Variants in FBN1 observed in about 807,000 individuals in gnomAD.
The protein encoded by FBN1 is fibrillin-1.
In FBN1, 29 loss-of-function variants were observed where a neutral mutation model predicts 365.1. The ratio of observed to expected loss-of-function variants is 0.08; its 90% CI spans 0.06 to 0.11. The LOEUF (loss-of-function observed/expected upper bound fraction) is 0.11, where lower values mean the gene tolerates loss of function less well. Among genes scored for constraint, FBN1 ranks in the 10% least tolerant of loss-of-function variants. The pLI is 1.00. For missense variants in FBN1, 2,476 were observed against 3,703.2 expected (o/e 0.67, Z 8.60); for synonymous variants, 1,210 against 1,270.5 (o/e 0.95, Z 1.01).
At chr15:48,595,737 T>C (rs2044510534) in intron 6 of FBN1, among the ~76,000 whole-genome samples, 1 of 152,156 alleles carries the variant, frequency 6.6e-6, no homozygotes, top group African/African-American at 2.4e-5. Flanking sequence ...TTCTACACAC[T>C]CTAGCAGGCT....
chr15:48,440,323 C>T (rs1045864594), intron 50 of FBN1, among the ~76,000 whole-genome samples: 2 of 152,190 alleles, frequency 1.3e-5, no homozygotes, highest in African/African-American at 2.4e-5. Context: ...ATTCTTCCTG[C>T]AGCGTTAGCT....
At chr15:48,487,567 GC>G in intron 27 of FBN1, 130 bp from the exon 28 acceptor site, 1 of 1,293,850 alleles carries the variant, frequency 7.7e-7, no homozygotes, top group African/African-American at 1.5e-5. Flanking sequence ...ACTCTCTGGT[GC>G]TATTCATACA....
At chr15:48,491,354 CTT>C (rs906446030) in intron 24 of FBN1, among the ~76,000 whole-genome samples, 19 of 142,718 alleles carry the variant, frequency 1.3e-4, no homozygotes, top group East Asian at 2.0e-4. Context: ...TTTTTCTTTT[CTT>C]TTTTTTTTTT....
intron 10 of FBN1, among the ~76,000 whole-genome samples, chr15:48,517,060 T>C (rs1184309275): frequency 1.3e-5 from 2 of 152,192 alleles, no homozygotes; most frequent in Non-Finnish European, 2.9e-5. Flanking sequence ...AGTTTTCTGG[T>C]TGAGCAATTG....
intron 6 of FBN1, among the ~76,000 whole-genome samples, chr15:48,588,812 T>C (rs1293600576): frequency 1.3e-5 from 2 of 152,032 alleles, no homozygotes; most frequent in South Asian, 2.1e-4. Context: ...GGGAAACTGG[T>C]GAAGGGCCAC....
rs186335853 is a variant in FBN1, at chr15:48,644,205, C to T, written c.164+401G>A. 15 of 191,392 alleles carry T rather than the reference C, an allele frequency of 7.8e-5. No homozygotes were observed. The Admixed American group carries it at 8.2e-4, about 10-fold the overall frequency. 11.9% of individuals were successfully genotyped at this position (191,392 alleles called of 1,614,324 possible). A position where few individuals can be genotyped will look rare whatever the true frequency, so the allele number is the denominator to read the frequency against. On this transcript the variant is annotated intron_variant, in intron 2 of 65. Coordinates refer to ENST00000316623, the MANE Select transcript of FBN1 (RefSeq NM_000138.5). ...GGGAATCCCTTCCTTTCCTTGCCCC[C>T]TTTCAAATACAGCATCTACCAAGAT... is the stretch of plus-strand genomic sequence containing the variant.
At chr15:48,639,422 TTTAGAC>T (rs1351723264) in intron 2 of FBN1, among the ~76,000 whole-genome samples, 1 of 152,202 alleles carries the variant, frequency 6.6e-6, no homozygotes, top group Non-Finnish European at 1.5e-5. Flanking sequence ...TATGTATTTG[TTTAGAC>T]TTAATACCAG....
At position 48,468,580 on chromosome 15, in the gene FBN1, A is replaced by G. The variant is rs536498829; in HGVS notation, c.4460-46T>C. On this transcript the variant is annotated intron_variant, in intron 36 of 65. Coordinates refer to ENST00000316623, the MANE Select transcript of FBN1 (RefSeq NM_000138.5). ...GTGGAGTTATCACCTGAGCCAGTGT[A>G]GGCAGACATCACCATAAAAGAACAG... is the stretch of plus-strand genomic sequence containing the variant. 35 of 1,611,338 alleles carry G rather than the reference A, an allele frequency of 2.2e-5. 2 individuals carry two copies. The highest frequency in any genetic ancestry group is 1.4e-4 in the South Asian group (13 of 90,942).
intron 52 of FBN1, 78 bp from the exon 53 acceptor site, chr15:48,437,155 T>A: frequency 8.4e-7 from 1 of 1,190,512 alleles, no homozygotes; most frequent in Non-Finnish European, 1.3e-6. Flanking sequence ...TTTCAGTGTT[T>A]AATCAAAAGA....
In FBN1 at chr15:48,425,379, CCTT is replaced by C. The variant is rs1566892703; in HGVS notation, c.7440_7442del (p.Arg2481del). 6.2e-7 allele frequency: 1 copy of C among 1,614,206 alleles called. No individual in the cohort carries two copies. ...TCAATTCTACTTTACCTTTGCAGCT[CCTT>C]CCATCCTCTTGCAGAATGTAGCCTT... On this transcript the variant is annotated inframe_deletion, in exon 60 of 66. Coordinates refer to ENST00000316623, the MANE Select transcript of FBN1 (RefSeq NM_000138.5).
At chr15:48,447,537 C>A (rs2043169397) in intron 46 of FBN1, among the ~76,000 whole-genome samples, 1 of 152,066 alleles carries the variant, frequency 6.6e-6, no homozygotes, top group Non-Finnish European at 1.5e-5. Context: ...ATCACAGCAG[C>A]TAGCATATTT....
intron 60 of FBN1, among the ~76,000 whole-genome samples, chr15:48,424,278 G>T (rs1343363430): frequency 1.3e-5 from 2 of 152,198 alleles, no homozygotes; most frequent in Non-Finnish European, 2.9e-5. Context: ...GAAGGCCTCA[G>T]GCACTTGCCC....
intron 38 of FBN1, among the ~76,000 whole-genome samples, chr15:48,466,730 T>C (rs527237633): frequency 6.6e-6 from 1 of 152,276 alleles, no homozygotes; most frequent in African/African-American, 2.4e-5. Context: ...GCTACTGTCA[T>C]TAATCTACAA....
chr15:48,613,121 T>C (rs1193766455), intron 2 of FBN1, 29 bp from the exon 3 acceptor site: 1 of 1,544,396 alleles, frequency 6.5e-7, no homozygotes, highest in African/African-American at 1.4e-5. Flanking sequence ...AATTCCATAC[T>C]TTAAAAAAAA....
At chr15:48,419,747 G>A (rs774490723) in intron 63 of FBN1, among the ~76,000 whole-genome samples, 4 of 152,168 alleles carry the variant, frequency 2.6e-5, no homozygotes, top group African/African-American at 7.2e-5. Flanking sequence ...GCCTGCACCC[G>A]GGAAGCAGTA....
intron 2 of FBN1, among the ~76,000 whole-genome samples, chr15:48,626,421 A>T (rs1421119712): frequency 6.6e-6 from 1 of 152,228 alleles, no homozygotes; most frequent in East Asian, 1.9e-4. Context: ...TCCATGTTTC[A>T]GTTGCATCAT....
chr15:48,503,392 C>T (rs1297270718), intron 17 of FBN1, among the ~76,000 whole-genome samples: 1 of 151,882 alleles, frequency 6.6e-6, no homozygotes, highest in Admixed American at 6.6e-5. Flanking sequence ...TACAAATGGC[C>T]TTTTGGAAAG....
chr15:48,413,804 C>T (rs1026642588), intron 64 of FBN1, among the ~76,000 whole-genome samples: 88 of 152,084 alleles, frequency 5.8e-4, no homozygotes, highest in African/African-American at 2.0e-3. Flanking sequence ...TCCTATATAC[C>T]CTTAGGATTC....
intron 27 of FBN1, 85 bp downstream of exon 27, chr15:48,488,028 G>A (rs1276905749): frequency 6.4e-7 from 1 of 1,573,564 alleles, no homozygotes; most frequent in Middle Eastern, 1.9e-4. Flanking sequence ...GGGGCAGCAG[G>A]AAGAACCTGG....
Sources: allele counts gnomAD v4.1 joint callset (sites outside exome capture counted in the v4.1 genomes callset), GRCh38; gene constraint gnomAD v4.1.1; transcripts MANE v1.5; gene names NCBI Gene and HGNC (gene_info 2026-07-23, HGNC 2026-07-21).